The following KCNIP1 variants were observed in gnomAD, a reference collection of about 807,000 sequenced individuals.
The protein encoded by KCNIP1 is potassium voltage-gated channel interacting protein 1, also known as A-type potassium channel modulatory protein KCNIP1.
KCNIP1 carries 18 observed loss-of-function variants against 33.0 expected under a neutral mutation model. That is an observed-to-expected ratio of 0.55 (90% CI 0.38 to 0.81). The LOEUF (loss-of-function observed/expected upper bound fraction) is 0.81, where lower values mean the gene tolerates loss of function less well. KCNIP1 is among the 30% of genes least tolerant of loss of function. The probability of loss-of-function intolerance (pLI) is 0.00; values close to 1 mark genes in which losing one functional copy is unlikely to be tolerated. For missense variants in KCNIP1, 238 were observed against 271.6 expected, an observed-to-expected ratio of 0.88 and a Z score of 0.87; for synonymous variants, 93 against 98.3, an observed-to-expected ratio of 0.95 and a Z score of 0.32.
chr5:170,642,545 G>A lies in KCNIP1; in HGVS notation c.62-76213G>A, dbSNP rs149388156. On this transcript the variant is annotated intron_variant, in intron 1 of 7. Transcript: ENST00000328939. Reference sequence around the variant, plus strand: ...CCCCCAGTTCTGCTTTCGAAACATCGTCACCATCGCCAAAGCAAAGCCTCA... The same window carrying A: ...CCCCCAGTTCTGCTTTCGAAACATCATCACCATCGCCAAAGCAAAGCCTCA... 1.3e-3 allele frequency among the ~76,000 whole-genome samples: 205 copies of A among 152,210 alleles called. 3 individuals are homozygous for A. The East Asian group carries it at 0.015, about 11-fold the overall frequency.
At chr5:170,696,630 A>T (rs2221440) in intron 1 of KCNIP1, among the ~76,000 whole-genome samples, 3 of 151,920 alleles carry the variant, frequency 2.0e-5, no homozygotes, top group African/African-American at 7.3e-5. Flanking sequence ...CCCCTTGGAG[A>T]TATGTGAGGC....
At chr5:170,448,536 T>C (rs1756172616) in intron 1 of KCNIP1, among the ~76,000 whole-genome samples, 1 of 152,162 alleles carries the variant, frequency 6.6e-6, no homozygotes. Flanking sequence ...GTTGCCATGG[T>C]GATGCTAATG....
chr5:170,423,597 G>A (rs894312936), intron 1 of KCNIP1, among the ~76,000 whole-genome samples: 3 of 152,160 alleles, frequency 2.0e-5, no homozygotes, highest in African/African-American at 7.2e-5. Flanking sequence ...TGGCCCAGAA[G>A]AGCAAAGATT....
chr5:170,593,476 C>G (rs932385594), intron 1 of KCNIP1, among the ~76,000 whole-genome samples: 3 of 152,304 alleles, frequency 2.0e-5, no homozygotes, highest in South Asian at 2.1e-4. Context: ...CCGAGTAACA[C>G]CGCCTTCCAT....
intron 1 of KCNIP1, among the ~76,000 whole-genome samples, chr5:170,512,338 GA>G (rs1417981015): frequency 6.6e-6 from 1 of 152,140 alleles, no homozygotes; most frequent in Non-Finnish European, 1.5e-5. Context: ...TCACTGCTAA[GA>G]AAAAAACACA....
intron 1 of KCNIP1, among the ~76,000 whole-genome samples, chr5:170,625,413 G>T (rs1013179637): frequency 6.6e-6 from 1 of 152,196 alleles, no homozygotes; most frequent in African/African-American, 2.4e-5. Flanking sequence ...ACCCCTGGCT[G>T]CGGCGTAAGC....
At chr5:170,400,908 G>T (rs1754886678) in intron 1 of KCNIP1, among the ~76,000 whole-genome samples, 1 of 152,244 alleles carries the variant, frequency 6.6e-6, no homozygotes, top group African/African-American at 2.4e-5. Flanking sequence ...AACAGTGTAA[G>T]TGGAGAACTA....
At chr5:170,664,149 C>T (rs1449865326) in intron 1 of KCNIP1, among the ~76,000 whole-genome samples, 2 of 152,168 alleles carry the variant, frequency 1.3e-5, no homozygotes, top group Admixed American at 1.3e-4. Context: ...TCCCCCTACA[C>T]TCTGTGTTCT....
intron 1 of KCNIP1, among the ~76,000 whole-genome samples, chr5:170,705,359 T>C (rs1341668499): frequency 1.3e-5 from 2 of 152,220 alleles, no homozygotes; most frequent in Non-Finnish European, 2.9e-5. Flanking sequence ...ACTGCACTCC[T>C]TGCATCTGGA....
At chr5:170,486,163 G>A (rs1311337705) in intron 1 of KCNIP1, 4 of 152,180 alleles carry the variant, frequency 2.6e-5, no homozygotes, top group Admixed American at 2.6e-4. Flanking sequence ...CTGCGAAAAA[G>A]CTCTGTTCCC....
chr5:170,525,496 C>T (rs1561667866), intron 1 of KCNIP1, among the ~76,000 whole-genome samples: 1 of 152,238 alleles, frequency 6.6e-6, no homozygotes, highest in Non-Finnish European at 1.5e-5. Context: ...CATCTTTGTG[C>T]ATAATCCCTT....
intron 1 of KCNIP1, among the ~76,000 whole-genome samples, chr5:170,554,912 AGACATGTCGCT>A (rs950410454): frequency 1.3e-5 from 2 of 152,156 alleles, no homozygotes; most frequent in African/African-American, 4.8e-5. Flanking sequence ...CTTTTAATCC[AGACATGTCGCT>A]GACACCAGCA....
At chr5:170,443,034 C>A (rs538526284) in intron 1 of KCNIP1, among the ~76,000 whole-genome samples, 1 of 152,296 alleles carries the variant, frequency 6.6e-6, no homozygotes, top group South Asian at 2.1e-4. Context: ...GTGGGCAAAC[C>A]CACCTTGGCC....
intron 1 of KCNIP1, among the ~76,000 whole-genome samples, chr5:170,603,761 C>T (rs1370476630): frequency 6.6e-6 from 1 of 152,148 alleles, no homozygotes; most frequent in Non-Finnish European, 1.5e-5. Context: ...GGGCCAGGGC[C>T]CCAGCTGAGG....
At chr5:170,512,866 G>A (rs991908666) in intron 1 of KCNIP1, among the ~76,000 whole-genome samples, 3 of 152,108 alleles carry the variant, frequency 2.0e-5, no homozygotes, top group African/African-American at 7.2e-5. Flanking sequence ...CGGCTAACAC[G>A]GTGAAACCCC....
chr5:170,370,409 T>C (rs1158551987), intron 1 of KCNIP1, among the ~76,000 whole-genome samples: 5 of 152,132 alleles, frequency 3.3e-5, no homozygotes, highest in African/African-American at 1.2e-4. Context: ...CTGCCCAAAG[T>C]CATGAACAAG....
intron 1 of KCNIP1, among the ~76,000 whole-genome samples, chr5:170,466,048 A>AT (rs1756602720): frequency 6.6e-6 from 1 of 152,178 alleles, no homozygotes; most frequent in Non-Finnish European, 1.5e-5. Context: ...GGACTAGTGC[A>AT]TTTTTCCAGT....
intron 1 of KCNIP1, chr5:170,422,710 A>G (rs548317410): frequency 3.9e-5 from 6 of 152,370 alleles, no homozygotes; most frequent in South Asian, 2.1e-4. Flanking sequence ...TTAGTACCTC[A>G]TGATATTAAT....
In KCNIP1 at chr5:170,504,720, C is replaced by A; in HGVS notation, c.61+87C>A. On this transcript the variant is annotated intron_variant, in intron 1 of 7. Transcript: ENST00000328939. This position sits in a 1 kb window ranked among gnomAD's most constrained non-coding sequence, Gnocchi z 6.0. ...GGCTGTGCCACCTGCCTCCCTTAGT[C>A]CGGACTCTCCTCTCCACGAGGAGCC... The A allele has an allele frequency of 9.3e-7, 1 of 1,079,208 alleles. No homozygotes were observed. Among genetic ancestry groups the A allele is most frequent in the Non-Finnish European group, 1.4e-6 (1 of 698,686 alleles). 66.9% of individuals were successfully genotyped at this position (1,079,208 alleles called of 1,614,324 possible).
Sources: allele counts gnomAD v4.1 joint callset (sites outside exome capture counted in the v4.1 genomes callset), GRCh38; gene constraint gnomAD v4.1.1; non-coding constraint Gnocchi (gnomAD v3.1); transcripts MANE v1.5; gene names NCBI Gene and HGNC (gene_info 2026-07-23, HGNC 2026-07-21).